Variants in DENND1A observed in about 807,000 individuals in gnomAD.
The protein encoded by DENND1A is DENN domain-containing protein 1A.
Under a neutral mutation model 113.7 loss-of-function variants are expected in DENND1A, and 51 were observed. The ratio of observed to expected loss-of-function variants is 0.45; its 90% CI spans 0.36 to 0.57. The LOEUF (loss-of-function observed/expected upper bound fraction) is 0.57. Ranked by LOEUF, DENND1A falls within the 20% of genes least tolerant of loss-of-function variation. The pLI is 0.00. For missense variants in DENND1A, 1,258 were observed against 1,395.9 expected, an observed-to-expected ratio of 0.90 and a Z score of 1.57; for synonymous variants, 565 against 570.8, an observed-to-expected ratio of 0.99 and a Z score of 0.14.
At chr9:123,694,647 T>C (rs1488405025) in intron 5 of DENND1A, among the ~76,000 whole-genome samples, 1 of 152,244 alleles carries the variant, frequency 6.6e-6, no homozygotes, top group African/African-American at 2.4e-5. Context: ...GTGCAGTCGC[T>C]GTTTTCAATA....
chr9:123,844,030 TA>T (rs923511815), intron 2 of DENND1A, among the ~76,000 whole-genome samples: 1 of 151,674 alleles, frequency 6.6e-6, no homozygotes, highest in Non-Finnish European at 1.5e-5. Flanking sequence ...CCTTTCATAA[TA>T]AAAAAAATTA....
chr9:123,873,040 A>T (rs1417673317), intron 2 of DENND1A, among the ~76,000 whole-genome samples: 2 of 152,216 alleles, frequency 1.3e-5, no homozygotes, highest in Non-Finnish European at 2.9e-5. Flanking sequence ...AGAGATGCAG[A>T]TCCTAGGAAC....
intron 12 of DENND1A, among the ~76,000 whole-genome samples, chr9:123,574,173 CTTTTTTT>C (rs542615815): frequency 4.6e-4 from 51 of 110,118 alleles, no homozygotes; most frequent in African/African-American, 8.3e-4. Flanking sequence ...CTGTAGTTGC[CTTTTTTT>C]TTTTTTTTTT....
intron 5 of DENND1A, among the ~76,000 whole-genome samples, chr9:123,692,146 A>C (rs2065230803): frequency 6.6e-6 from 1 of 152,232 alleles, no homozygotes; most frequent in Non-Finnish European, 1.5e-5. Flanking sequence ...CTGTTTACCT[A>C]ACAAAGTGGT....
At chr9:123,559,626 T>C (rs925553580) in intron 12 of DENND1A, among the ~76,000 whole-genome samples, 2 of 152,190 alleles carry the variant, frequency 1.3e-5, no homozygotes, top group African/African-American at 4.8e-5. Context: ...TCCACGCACA[T>C]TAGGTCTTGT....
chr9:123,903,716 G>A (rs1460450962), intron 1 of DENND1A, among the ~76,000 whole-genome samples: 3 of 152,252 alleles, frequency 2.0e-5, no homozygotes, highest in Non-Finnish European at 4.4e-5. Context: ...GGCTCAGAGG[G>A]TCCTACACCC....
At chr9:123,402,623 G>A (rs577182060) in intron 21 of DENND1A, 3 of 534,738 alleles carry the variant, frequency 5.6e-6, no homozygotes, top group South Asian at 4.2e-5. Context: ...GGCATCACAG[G>A]AAGTCAGCGT....
intron 11 of DENND1A, among the ~76,000 whole-genome samples, chr9:123,592,162 G>T (rs2059488415): frequency 6.6e-6 from 1 of 152,192 alleles, no homozygotes; most frequent in African/African-American, 2.4e-5. Context: ...GCTATTAAAG[G>T]CAAGTTTCTA....
At chr9:123,697,629 C>A (rs1481916463) in intron 5 of DENND1A, among the ~76,000 whole-genome samples, 2 of 152,144 alleles carry the variant, frequency 1.3e-5, no homozygotes, top group Admixed American at 6.5e-5. Flanking sequence ...TCAGTGAGAA[C>A]ATACGGTGTT....
At chr9:123,905,114 G>T (rs1230692) in intron 1 of DENND1A, among the ~76,000 whole-genome samples, 7 of 150,494 alleles carry the variant, frequency 4.7e-5, no homozygotes, top group South Asian at 2.1e-4. Context: ...ACTAAGCTTC[G>T]TAAGTGAAGG....
At chr9:123,800,365 T>C (rs1268070994) in intron 2 of DENND1A, among the ~76,000 whole-genome samples, 4 of 152,222 alleles carry the variant, frequency 2.6e-5, no homozygotes, top group Non-Finnish European at 5.9e-5. Flanking sequence ...ACCATTGCCA[T>C]AGGTGGCTTA....
chr9:123,596,014 G>A (rs1458527264), intron 11 of DENND1A, among the ~76,000 whole-genome samples: 1 of 152,152 alleles, frequency 6.6e-6, no homozygotes. Flanking sequence ...TTCCTCATGT[G>A]TAAAAAGAGG....
rs149303978 is a variant in DENND1A, at chr9:123,870,729, C to G, written c.88+8222G>C. Among the ~76,000 whole-genome samples, 34 of 152,294 alleles carry G rather than the reference C, an allele frequency of 2.2e-4. No homozygotes were observed. The East Asian group carries it at 4.2e-3, about 19-fold the overall frequency. Reference sequence around the variant, plus strand: ...GGATTATAGGTGTGAACCACCGTGGCTGGCCTCACCAGCTATTTTTTCATG... The same window carrying G: ...GGATTATAGGTGTGAACCACCGTGGGTGGCCTCACCAGCTATTTTTTCATG... On this transcript the variant is annotated intron_variant, in intron 2 of 23. Transcript: ENST00000394215.
chr9:123,718,463 T>C (rs921201918), intron 5 of DENND1A, among the ~76,000 whole-genome samples: 1 of 152,228 alleles, frequency 6.6e-6, no homozygotes, highest in Non-Finnish European at 1.5e-5. Flanking sequence ...TTAAGCTTTC[T>C]TAGCTCCACT....
chr9:123,864,336 TAC>T (rs1270944619), intron 2 of DENND1A, among the ~76,000 whole-genome samples: 1 of 152,210 alleles, frequency 6.6e-6, no homozygotes, highest in Non-Finnish European at 1.5e-5. Context: ...TCCTGCTGTA[TAC>T]ACACACTGCT....
chr9:123,578,147 C>G (rs2058716421), intron 12 of DENND1A, among the ~76,000 whole-genome samples: 1 of 152,212 alleles, frequency 6.6e-6, no homozygotes, highest in Non-Finnish European at 1.5e-5. Context: ...CTCTCACTTG[C>G]AAATGTAAAC....
At chr9:123,896,147 A>T (rs553472963) in intron 1 of DENND1A, among the ~76,000 whole-genome samples, 1 of 151,958 alleles carries the variant, frequency 6.6e-6, no homozygotes, top group East Asian at 1.9e-4. Context: ...GGAAAAAATA[A>T]AAAAAAATTA....
chr9:123,641,436 CAAAAA>C (rs34664320), intron 9 of DENND1A, among the ~76,000 whole-genome samples: 19 of 113,438 alleles, frequency 1.7e-4, no homozygotes, highest in Non-Finnish European at 1.5e-4. Flanking sequence ...AATGAAATGG[CAAAAA>C]AAAAAAAAAA....
intron 1 of DENND1A, among the ~76,000 whole-genome samples, chr9:123,893,539 A>G (rs7864122): frequency 0.084 from 12,701 of 152,078 alleles, 1,117 homozygotes; most frequent in African/African-American, 0.22. Flanking sequence ...TCTTACCATC[A>G]GGCCTCAATC....
Sources: allele counts gnomAD v4.1 joint callset (sites outside exome capture counted in the v4.1 genomes callset), GRCh38; gene constraint gnomAD v4.1.1; transcripts MANE v1.5; gene names NCBI Gene and HGNC (gene_info 2026-07-23, HGNC 2026-07-21).